The following CHIC2 variants were observed in gnomAD, a reference collection of about 807,000 sequenced individuals.
The protein encoded by CHIC2 is cysteine rich hydrophobic domain 2.
In CHIC2, 14 loss-of-function variants were observed where a neutral mutation model predicts 25.9. That is an observed-to-expected ratio of 0.54 (90% CI 0.36 to 0.85). CHIC2 has a LOEUF of 0.85. Among genes scored for constraint, CHIC2 ranks in the 40% least tolerant of loss-of-function variants. The pLI is 0.01. For missense variants in CHIC2, 146 were observed against 202.0 expected (o/e 0.72, Z 1.68); for synonymous variants, 70 against 72.0 (o/e 0.97, Z 0.14).
intron 1 of CHIC2, among the ~76,000 whole-genome samples, chr4:54,058,581 C>T (rs942562335): frequency 6.6e-6 from 1 of 151,712 alleles, no homozygotes; most frequent in Non-Finnish European, 1.5e-5. Flanking sequence ...CACACACACA[C>T]ACACACACAC....
chr4:54,032,295 AC>A (rs1474198170), intron 3 of CHIC2, among the ~76,000 whole-genome samples: 2 of 86,694 alleles, frequency 2.3e-5, no homozygotes, highest in African/African-American at 4.7e-5. Context: ...CTCTCCCTCT[AC>A]GGTCTCCCTC....
intron 1 of CHIC2, among the ~76,000 whole-genome samples, chr4:54,051,362 A>C (rs1483915683): frequency 2.0e-5 from 3 of 152,092 alleles, no homozygotes; most frequent in Non-Finnish European, 4.4e-5. Context: ...CACATTTATA[A>C]ATGTATCACC....
At chr4:54,034,941 TA>T in intron 3 of CHIC2, among the ~76,000 whole-genome samples, 1 of 152,320 alleles carries the variant, frequency 6.6e-6, no homozygotes, top group South Asian at 2.1e-4. Flanking sequence ...GTTAATCAAG[TA>T]TACATGCTGG....
chr4:54,048,419 T>A (rs985579213), intron 3 of CHIC2, among the ~76,000 whole-genome samples: 33 of 152,216 alleles, frequency 2.2e-4, no homozygotes, highest in African/African-American at 7.2e-4. Context: ...CCCATAATCT[T>A]ACCAACAAGA....
the CHIC2 span, among the ~76,000 whole-genome samples, chr4:54,074,342 C>T: frequency 6.6e-6 from 1 of 151,976 alleles, no homozygotes; most frequent in African/African-American, 2.4e-5. Context: ...TTCTTTTGGC[C>T]CCTGAATGCA....
chr4:54,062,742 T>C (rs761836003), intron 1 of CHIC2, among the ~76,000 whole-genome samples: 6 of 152,222 alleles, frequency 3.9e-5, no homozygotes, highest in Non-Finnish European at 8.8e-5. Flanking sequence ...AGTTTGGAAA[T>C]CACTTCTTTA....
intron 1 of CHIC2, among the ~76,000 whole-genome samples, chr4:54,061,888 G>A (rs1199624955): frequency 6.6e-6 from 1 of 152,060 alleles, no homozygotes; most frequent in African/African-American, 2.4e-5. Context: ...ATAAGACTAA[G>A]GTGAATCATT....
At chr4:54,026,017 T>C (rs1010168556) in intron 3 of CHIC2, among the ~76,000 whole-genome samples, 1 of 152,114 alleles carries the variant, frequency 6.6e-6, no homozygotes, top group Admixed American at 6.5e-5. Context: ...GTGTCTTGCT[T>C]TTATTACCTT....
At chr4:54,081,616 C>A in the CHIC2 span, among the ~76,000 whole-genome samples, 1,007 of 152,144 alleles carry the variant, frequency 6.6e-3, 7 homozygotes, top group African/African-American at 0.023. Context: ...ATAAATTTTA[C>A]CTCTGGTATA....
chr4:54,064,592 C>A lies in CHIC2; in HGVS notation c.-292G>T. 1 of 1,240,926 alleles carries A rather than the reference C, an allele frequency of 8.1e-7. No individual in the cohort carries two copies. Among genetic ancestry groups the A allele is most frequent in the Non-Finnish European group, 1.0e-6 (1 of 989,350 alleles). 76.9% of individuals were successfully genotyped at this position (1,240,926 alleles called of 1,614,324 possible). ...GCCGCTGCCGCCGCCGCAGCAGCAG[C>A]AACTCAGGAAACCACAGCAACAGCC... On this transcript the variant is annotated 5_prime_UTR_variant, in exon 1 of 6. Transcript: ENST00000263921. This position sits in a 1 kb window ranked among gnomAD's most constrained non-coding sequence, Gnocchi z 4.2.
chr4:54,023,787 C>T (rs1343199897), intron 3 of CHIC2, among the ~76,000 whole-genome samples: 1 of 152,226 alleles, frequency 6.6e-6, no homozygotes, highest in Non-Finnish European at 1.5e-5. Context: ...TGCAAAAGGA[C>T]TACGCATCAA....
chr4:54,051,718 C>A (rs1291443715), intron 1 of CHIC2, among the ~76,000 whole-genome samples: 1 of 152,134 alleles, frequency 6.6e-6, no homozygotes, highest in African/African-American at 2.4e-5. Flanking sequence ...GTCTCCTCTG[C>A]AATTCACTGT....
At chr4:54,017,290 T>C (rs956883442) in intron 3 of CHIC2, among the ~76,000 whole-genome samples, 5 of 151,150 alleles carry the variant, frequency 3.3e-5, no homozygotes, top group Middle Eastern at 3.4e-3. Flanking sequence ...CAAATTAACA[T>C]GCATCAGAAA....
chr4:54,043,645 C>T (rs554398157), intron 3 of CHIC2, among the ~76,000 whole-genome samples: 477 of 152,016 alleles, frequency 3.1e-3, no homozygotes, highest in Middle Eastern at 0.024. Context: ...AAAGAGCTCC[C>T]GAAGGAAGCA....
intron 1 of CHIC2, among the ~76,000 whole-genome samples, chr4:54,051,808 TTTC>T (rs1717014693): frequency 1.3e-5 from 2 of 152,234 alleles, no homozygotes; most frequent in African/African-American, 4.8e-5. Context: ...TGAATCCTTA[TTTC>T]TTCTTCTCTC....
intron 3 of CHIC2, among the ~76,000 whole-genome samples, chr4:54,032,859 G>A (rs1419136326): frequency 6.6e-6 from 1 of 152,164 alleles, no homozygotes; most frequent in Non-Finnish European, 1.5e-5. Context: ...TGGGGTATGT[G>A]TCCCCTCTAA....
At chr4:54,066,253 C>T (rs1033774012), upstream of CHIC2, among the ~76,000 whole-genome samples, 1 of 152,104 alleles carries the variant, frequency 6.6e-6, no homozygotes, top group Non-Finnish European at 1.5e-5. Context: ...CAGTACCTGC[C>T]CCATTGGGAT....
intron 3 of CHIC2, among the ~76,000 whole-genome samples, chr4:54,044,056 A>G (rs554544090): frequency 6.6e-6 from 1 of 152,342 alleles, no homozygotes; most frequent in Admixed American, 6.5e-5. Flanking sequence ...AGAGACAAAG[A>G]AGGCCATTAC....
chr4:54,040,473 G>A (rs962090629), intron 3 of CHIC2, among the ~76,000 whole-genome samples: 1 of 151,902 alleles, frequency 6.6e-6, no homozygotes, highest in East Asian at 1.9e-4. Flanking sequence ...GGCCGAAGCG[G>A]GCAGATCACC....
Sources: gnomAD v4.1 joint callset for allele counts (sites outside exome capture counted in the v4.1 genomes callset) on GRCh38, gnomAD v4.1.1 for gene constraint, Gnocchi (gnomAD v3.1) non-coding constraint, MANE v1.5 for transcripts, NCBI Gene and HGNC (gene_info 2026-07-23, HGNC 2026-07-21) for gene names.